The following NAALADL2 variants were observed in gnomAD, a reference collection of about 807,000 sequenced individuals.
NAALADL2 encodes the protein N-acetylated alpha-linked acidic dipeptidase like 2, also known as inactive N-acetylated-alpha-linked acidic dipeptidase-like protein 2.
Under a neutral mutation model 87.2 loss-of-function variants are expected in NAALADL2, and 76 were observed. The ratio of observed to expected loss-of-function variants is 0.87; its 90% CI spans 0.72 to 1.05. The LOEUF is 1.05. Ranked by LOEUF, NAALADL2 falls within the 50% of genes least tolerant of loss-of-function variation. The pLI is 0.00. For missense variants in NAALADL2, 1,089 were observed against 945.8 expected, an observed-to-expected ratio of 1.15 and a Z score of -1.99; for synonymous variants, 354 against 331.0, an observed-to-expected ratio of 1.07 and a Z score of -0.75.
intron 5 of NAALADL2, among the ~76,000 whole-genome samples, chr3:175,403,790 A>T (rs1220259707): frequency 6.6e-6 from 1 of 152,134 alleles, no homozygotes; most frequent in Non-Finnish European, 1.5e-5. Flanking sequence ...GGCTGCCACA[A>T]AGATTTGGTT....
intron 2 of NAALADL2, among the ~76,000 whole-genome samples, chr3:174,683,497 C>T (rs1284075751): frequency 6.6e-6 from 1 of 151,782 alleles, no homozygotes; most frequent in Admixed American, 6.6e-5. Flanking sequence ...AAGAAATAAA[C>T]CTAATTTAAA....
chr3:175,085,609 T>C (rs1305789278), intron 1 of NAALADL2, among the ~76,000 whole-genome samples: 1 of 152,146 alleles, frequency 6.6e-6, no homozygotes, highest in East Asian at 1.9e-4. Flanking sequence ...TACATTTTGG[T>C]TCCTAAGACA....
chr3:174,659,955 G>A (rs907697668), intron 2 of NAALADL2, among the ~76,000 whole-genome samples: 8 of 151,928 alleles, frequency 5.3e-5, no homozygotes, highest in Non-Finnish European at 8.8e-5. Flanking sequence ...TTGGGACCCC[G>A]CTTGAAACAG....
At chr3:174,720,937 CT>C (rs1319616833) in intron 2 of NAALADL2, among the ~76,000 whole-genome samples, 1 of 152,128 alleles carries the variant, frequency 6.6e-6, no homozygotes, top group Non-Finnish European at 1.5e-5. Context: ...CGGTGCTTGA[CT>C]TTAAAACGAT....
At chr3:174,825,543 G>C (rs1006938240) in intron 3 of NAALADL2, among the ~76,000 whole-genome samples, 1 of 152,176 alleles carries the variant, frequency 6.6e-6, no homozygotes, top group Non-Finnish European at 1.5e-5. Context: ...ATGCCAGTCT[G>C]TTCCAGAAAT....
chr3:175,348,239 C>T (rs1269779207), intron 5 of NAALADL2, among the ~76,000 whole-genome samples: 5 of 151,892 alleles, frequency 3.3e-5, no homozygotes, highest in Non-Finnish European at 7.4e-5. Flanking sequence ...TTAGTAGAGT[C>T]GGGGTTTCTC....
intron 11 of NAALADL2, among the ~76,000 whole-genome samples, chr3:175,684,743 C>T (rs1375121293): frequency 6.6e-6 from 1 of 152,048 alleles, no homozygotes; most frequent in Non-Finnish European, 1.5e-5. Flanking sequence ...TTTAAGGCTG[C>T]AGTGAGCTAT....
intron 5 of NAALADL2, among the ~76,000 whole-genome samples, chr3:175,384,504 T>G (rs1768133109): frequency 6.6e-6 from 1 of 151,950 alleles, no homozygotes; most frequent in African/African-American, 2.4e-5. Context: ...ATAAATTAGG[T>G]TTTAGTTTCT....
At chr3:175,160,014 C>CTTTTTTTTTTTT (rs1732904695) in intron 2 of NAALADL2, among the ~76,000 whole-genome samples, 17 of 43,646 alleles carry the variant, frequency 3.9e-4, no homozygotes, top group Non-Finnish European at 5.6e-4. Context: ...TTTTTTTTTA[C>CTTTTTTTTTTTT]TTTTAGTAGA....
chr3:174,489,490 A>G (rs1718050040), intron 1 of NAALADL2, among the ~76,000 whole-genome samples: 1 of 152,088 alleles, frequency 6.6e-6, no homozygotes, highest in Admixed American at 6.6e-5. Context: ...TAGATAAATT[A>G]GAGTTCATCA....
At chr3:175,231,086 A>G (rs1291434351) in intron 2 of NAALADL2, among the ~76,000 whole-genome samples, 2 of 152,028 alleles carry the variant, frequency 1.3e-5, no homozygotes, top group African/African-American at 4.8e-5. Context: ...GGCAAGTATG[A>G]AAACCATATA....
At chr3:175,370,376 A>G (rs1389847865) in intron 5 of NAALADL2, among the ~76,000 whole-genome samples, 2 of 152,174 alleles carry the variant, frequency 1.3e-5, no homozygotes, top group South Asian at 2.1e-4. Context: ...TTTATAAAAT[A>G]TATTTGTGAA....
At chr3:175,291,815 A>G (rs1310803562) in intron 4 of NAALADL2, among the ~76,000 whole-genome samples, 1 of 152,172 alleles carries the variant, frequency 6.6e-6, no homozygotes, top group African/African-American at 2.4e-5. Flanking sequence ...AAAACATACA[A>G]TGGAGTTTCA....
chr3:175,473,084 G>C (rs942154301), intron 9 of NAALADL2, among the ~76,000 whole-genome samples: 31 of 152,188 alleles, frequency 2.0e-4, no homozygotes, highest in African/African-American at 7.5e-4. Flanking sequence ...CATTGAAATT[G>C]ATGGGTAAAT....
chr3:174,571,447 G>A (rs1411322066), intron 2 of NAALADL2, among the ~76,000 whole-genome samples: 2 of 151,932 alleles, frequency 1.3e-5, no homozygotes, highest in African/African-American at 4.8e-5. Flanking sequence ...CGTGATCTGT[G>A]CCCACCAAAA....
chr3:174,896,935 C>G (rs1469918187), intron 1 of NAALADL2, among the ~76,000 whole-genome samples: 1 of 152,124 alleles, frequency 6.6e-6, no homozygotes, highest in Admixed American at 6.5e-5. Context: ...AAGACAGTCT[C>G]TTCAATAAAT....
At chr3:175,770,567 TC>T (rs1749359239) in intron 13 of NAALADL2, among the ~76,000 whole-genome samples, 1 of 152,208 alleles carries the variant, frequency 6.6e-6, no homozygotes, top group African/African-American at 2.4e-5. Context: ...CAAATAGTAA[TC>T]TACTCTTTAT....
intron 3 of NAALADL2, among the ~76,000 whole-genome samples, chr3:174,803,881 T>G (rs9857712): frequency 0.22 from 33,796 of 152,088 alleles, 3,883 homozygotes; most frequent in East Asian, 0.35. Context: ...AGCCTTGTAG[T>G]ATATTTTGAA....
rs903615164 is a variant in NAALADL2 at position 175,287,370 on chromosome 3, A to C, written c.939+30840A>C. The stretch of plus-strand genomic sequence containing the variant: ...ATTTACCCAGCAACAGGAAACATTT[A>C]GCTACCCCCAAACAATGAAAATTGT... On this transcript the variant is annotated intron_variant, in intron 4 of 13. Transcript: ENST00000454872. 2.0e-5 allele frequency among the ~76,000 whole-genome samples: 3 copies of C among 152,212 alleles called. No homozygotes were observed. The East Asian group carries it at 5.8e-4, about 29-fold the overall frequency.
Sources: allele counts gnomAD v4.1 joint callset (sites outside exome capture counted in the v4.1 genomes callset), GRCh38; gene constraint gnomAD v4.1.1; transcripts MANE v1.5; gene names NCBI Gene and HGNC (gene_info 2026-07-23, HGNC 2026-07-21).